Variants in ADK observed in about 807,000 individuals in gnomAD.
ADK encodes the protein N6,N6-dimethyladenosine kinase.
Under a neutral mutation model 44.7 loss-of-function variants are expected in ADK, and 24 were observed. The observed-to-expected ratio is 0.54, with a 90% CI of 0.39 to 0.76. The LOEUF (loss-of-function observed/expected upper bound fraction) is 0.76, where lower values mean the gene tolerates loss of function less well. ADK is among the 30% of genes least tolerant of loss of function. The pLI is 0.00. For missense variants in ADK, 321 were observed against 425.1 expected, an observed-to-expected ratio of 0.76 and a Z score of 2.15; for synonymous variants, 128 against 142.6, an observed-to-expected ratio of 0.90 and a Z score of 0.73.
intron 3 of ADK, among the ~76,000 whole-genome samples, chr10:74,293,902 G>T (rs1839717062): frequency 6.6e-6 from 1 of 152,150 alleles, no homozygotes; most frequent in Non-Finnish European, 1.5e-5. Flanking sequence ...TCTAGAAATA[G>T]AACTTGGCCA....
chr10:74,559,009 T>C (rs1394867954), intron 7 of ADK, among the ~76,000 whole-genome samples: 1 of 152,248 alleles, frequency 6.6e-6, no homozygotes, highest in Non-Finnish European at 1.5e-5. Flanking sequence ...TCAAGCCTCA[T>C]AGGTCCCATG....
At chr10:74,215,455 C>T (rs193078583) in intron 2 of ADK, among the ~76,000 whole-genome samples, 1,943 of 151,348 alleles carry the variant, frequency 0.013, 49 homozygotes, top group African/African-American at 0.045. Flanking sequence ...GGACCACAGG[C>T]GCCTGCCACC....
intron 9 of ADK, among the ~76,000 whole-genome samples, chr10:74,652,141 A>C (rs1012079466): frequency 2.0e-5 from 3 of 150,624 alleles, no homozygotes; most frequent in African/African-American, 7.3e-5. Flanking sequence ...TCCTCAGTTC[A>C]AGCAATTCTC....
In ADK at chr10:74,202,206, G is replaced by T. The variant is rs11000918; in HGVS notation, c.140+1368G>T. 4.4e-4 allele frequency among the ~76,000 whole-genome samples: 67 copies of T among 152,170 alleles called. 1 individual carries two copies. The East Asian group carries it at 0.012, about 26-fold the overall frequency. The stretch of plus-strand genomic sequence containing the variant: ...ATCATATAATAATATATGATCTTTT[G>T]TGTTTATATATATGACCTTTTGTGT... On this transcript the variant is annotated intron_variant, in intron 2 of 10. Transcript: ENST00000539909.
intron 7 of ADK, among the ~76,000 whole-genome samples, chr10:74,536,843 T>A (rs996099143): frequency 6.6e-5 from 10 of 152,222 alleles, no homozygotes; most frequent in African/African-American, 2.4e-4. Flanking sequence ...TCATCTTTTT[T>A]AAGGCTGAAT....
chr10:74,208,699 T>G (rs1446980664), intron 2 of ADK, among the ~76,000 whole-genome samples: 1 of 151,834 alleles, frequency 6.6e-6, no homozygotes, highest in Non-Finnish European at 1.5e-5. Flanking sequence ...AGTATTTAGA[T>G]AAGTACTATG....
At chr10:74,659,201 G>C (rs1309175266) in intron 9 of ADK, among the ~76,000 whole-genome samples, 1 of 152,158 alleles carries the variant, frequency 6.6e-6, no homozygotes, top group East Asian at 1.9e-4. Context: ...CTGGGTGACA[G>C]AGAGAGATCC....
intron 7 of ADK, among the ~76,000 whole-genome samples, chr10:74,529,555 A>G (rs1051976287): frequency 6.6e-6 from 1 of 152,210 alleles, no homozygotes; most frequent in African/African-American, 2.4e-5. Context: ...GTTTTATTCT[A>G]CAAATCAGTA....
At chr10:74,671,318 C>T (rs372285592) in intron 10 of ADK, among the ~76,000 whole-genome samples, 3 of 151,962 alleles carry the variant, frequency 2.0e-5, no homozygotes, top group African/African-American at 7.3e-5. Context: ...CTGCCTCAGC[C>T]TCCCAAGCAG....
At chr10:74,622,978 G>A (rs987443827) in intron 9 of ADK, among the ~76,000 whole-genome samples, 6 of 152,156 alleles carry the variant, frequency 3.9e-5, no homozygotes, top group Non-Finnish European at 8.8e-5. Flanking sequence ...TTGCACTCTA[G>A]CCTGGACAAC....
chr10:74,243,535 C>A (rs1280878221), intron 3 of ADK, among the ~76,000 whole-genome samples: 1 of 152,198 alleles, frequency 6.6e-6, no homozygotes, highest in African/African-American at 2.4e-5. Flanking sequence ...ATTCAGCACA[C>A]TGTTAGTACT....
intron 3 of ADK, among the ~76,000 whole-genome samples, chr10:74,249,635 A>G (rs1426045809): frequency 6.6e-6 from 1 of 152,210 alleles, no homozygotes; most frequent in African/African-American, 2.4e-5. Context: ...ATTTGAAGCA[A>G]TAAATACTGA....
At chr10:74,154,987 A>G (rs1841708120) in intron 1 of ADK, among the ~76,000 whole-genome samples, 2 of 152,202 alleles carry the variant, frequency 1.3e-5, no homozygotes, top group African/African-American at 4.8e-5. Flanking sequence ...GAAAGCCCAT[A>G]TCATTACTCC....
intron 4 of ADK, among the ~76,000 whole-genome samples, chr10:74,365,313 A>G (rs1203092014): frequency 6.6e-6 from 1 of 152,148 alleles, no homozygotes; most frequent in Non-Finnish European, 1.5e-5. Flanking sequence ...TCATCCATTA[A>G]TCAGCTTTCT....
chr10:74,419,210 A>G (rs1564710993), intron 6 of ADK, among the ~76,000 whole-genome samples: 1 of 152,160 alleles, frequency 6.6e-6, no homozygotes, highest in Non-Finnish European at 1.5e-5. Context: ...CCCCAACAAC[A>G]GTATTTTAGT....
chr10:74,652,633 G>A (rs907032875), intron 9 of ADK, among the ~76,000 whole-genome samples: 36 of 151,724 alleles, frequency 2.4e-4, no homozygotes, highest in Admixed American at 2.3e-3. Flanking sequence ...AGTGGTGGGC[G>A]CCTATAATCC....
chr10:74,702,296 G>C (rs1856450879), intron 10 of ADK, among the ~76,000 whole-genome samples: 1 of 151,196 alleles, frequency 6.6e-6, no homozygotes, highest in Non-Finnish European at 1.5e-5. Context: ...CGATTCTCCT[G>C]CCTCAGTTTC....
At chr10:74,519,121 T>C (rs1425376377) in intron 6 of ADK, among the ~76,000 whole-genome samples, 1 of 151,942 alleles carries the variant, frequency 6.6e-6, no homozygotes, top group Non-Finnish European at 1.5e-5. Flanking sequence ...CATGTAAAAA[T>C]TATATACCGT....
intron 4 of ADK, among the ~76,000 whole-genome samples, chr10:74,358,414 A>G (rs1408788380): frequency 6.6e-6 from 1 of 152,204 alleles, no homozygotes; most frequent in Non-Finnish European, 1.5e-5. Context: ...ACTGTGGTCC[A>G]CTTACTTATT....
Sources: gnomAD v4.1 joint callset for allele counts (sites outside exome capture counted in the v4.1 genomes callset) on GRCh38, gnomAD v4.1.1 for gene constraint, MANE v1.5 for transcripts, NCBI Gene and HGNC (gene_info 2026-07-23, HGNC 2026-07-21) for gene names.